DLG2: variants seen among roughly 807,000 people sequenced by gnomAD.
The protein encoded by DLG2 is disks large homolog 2.
A neutral mutation model predicts 132.5 loss-of-function variants in DLG2; 45 were observed. That is an observed-to-expected ratio of 0.34 (90% CI 0.27 to 0.44). The LOEUF (loss-of-function observed/expected upper bound fraction) is 0.44. Ranked by LOEUF, DLG2 falls within the 20% of genes least tolerant of loss-of-function variation. The pLI is 1.00. For synonymous variants in DLG2, 424 were observed against 419.6 expected, an observed-to-expected ratio of 1.01 and a Z score of -0.13; for missense variants, 1,045 against 1,196.9, an observed-to-expected ratio of 0.87 and a Z score of 1.87.
intron 6 of DLG2, among the ~76,000 whole-genome samples, chr11:84,984,692 T>C (rs991962356): frequency 1.3e-5 from 2 of 152,056 alleles, no homozygotes; most frequent in African/African-American, 2.4e-5. Flanking sequence ...ACTTAAAAGA[T>C]ACAGAATTGC....
At chr11:84,295,750 T>C (rs2154378509) in intron 7 of DLG2, among the ~76,000 whole-genome samples, 1 of 152,300 alleles carries the variant, frequency 6.6e-6, no homozygotes, top group East Asian at 1.9e-4. Context: ...AATTGTGAAA[T>C]TCAAACATGA....
intron 18 of DLG2, among the ~76,000 whole-genome samples, chr11:83,753,678 T>C (rs750948639): frequency 1.2e-3 from 170 of 139,166 alleles, no homozygotes; most frequent in Non-Finnish European, 1.9e-3. Context: ...TAAATTGATA[T>C]ATATATCAAT....
chr11:84,569,955 C>T (rs2154527571), intron 6 of DLG2, among the ~76,000 whole-genome samples: 1 of 152,234 alleles, frequency 6.6e-6, no homozygotes, highest in South Asian at 2.1e-4. Flanking sequence ...ATGCCTAATT[C>T]TAACTAATTA....
At chr11:83,637,660 C>T (rs1044788461) in intron 18 of DLG2, among the ~76,000 whole-genome samples, 21 of 152,148 alleles carry the variant, frequency 1.4e-4, no homozygotes, top group African/African-American at 5.1e-4. Context: ...GAATATAAGG[C>T]TTGTTTAGAA....
At chr11:84,464,210 G>A (rs916636437) in intron 7 of DLG2, among the ~76,000 whole-genome samples, 6 of 151,100 alleles carry the variant, frequency 4.0e-5, no homozygotes, top group African/African-American at 1.5e-4. Context: ...CTAGTCTCAA[G>A]TTTTGCATAT....
At chr11:83,986,306 G>A (rs936405566) in intron 11 of DLG2, among the ~76,000 whole-genome samples, 30 of 151,128 alleles carry the variant, frequency 2.0e-4, no homozygotes, top group Admixed American at 1.3e-3. Flanking sequence ...GAGAATATGC[G>A]GCATTTGGTT....
intron 3 of DLG2, among the ~76,000 whole-genome samples, chr11:85,385,972 T>C (rs1296660132): frequency 6.6e-6 from 1 of 152,216 alleles, no homozygotes; most frequent in African/African-American, 2.4e-5. Context: ...TTCCCTGAGA[T>C]GTCAGAGTTC....
chr11:83,669,485 A>G (rs754532536), intron 18 of DLG2, among the ~76,000 whole-genome samples: 13 of 152,230 alleles, frequency 8.5e-5, no homozygotes, highest in Non-Finnish European at 1.2e-4. Flanking sequence ...TATGCAATAC[A>G]CAATTAAGGC....
At chr11:84,943,171 T>C (rs865885088) in intron 6 of DLG2, among the ~76,000 whole-genome samples, 77 of 127,120 alleles carry the variant, frequency 6.1e-4, no homozygotes, top group Non-Finnish European at 7.9e-4. Context: ...TGTGTGCGTG[T>C]GTGTGTGTGT....
intron 3 of DLG2, among the ~76,000 whole-genome samples, chr11:85,306,441 C>T (rs1018997247): frequency 1.3e-5 from 2 of 152,238 alleles, no homozygotes; most frequent in African/African-American, 4.8e-5. Flanking sequence ...TAAACCTAGT[C>T]TCAGGCTCTT....
At chr11:85,530,580 C>T (rs1335594171) in intron 3 of DLG2, among the ~76,000 whole-genome samples, 3 of 152,122 alleles carry the variant, frequency 2.0e-5, no homozygotes, top group African/African-American at 7.2e-5. Context: ...CTCGGCCTCC[C>T]AAAGTCCTGG....
chr11:85,176,555 A>G (rs1489750095), intron 4 of DLG2, among the ~76,000 whole-genome samples: 1 of 152,220 alleles, frequency 6.6e-6, no homozygotes, highest in African/African-American at 2.4e-5. Flanking sequence ...AGGCACTGGC[A>G]AAGATTTCAT....
chr11:84,414,684 G>C (rs2098922835), intron 7 of DLG2, among the ~76,000 whole-genome samples: 1 of 152,094 alleles, frequency 6.6e-6, no homozygotes, highest in African/African-American at 2.4e-5. Flanking sequence ...AAATAAAACA[G>C]ATATAAAAGC....
At chr11:84,051,452 T>C (rs1464736395) in intron 11 of DLG2, among the ~76,000 whole-genome samples, 1 of 151,752 alleles carries the variant, frequency 6.6e-6, no homozygotes, top group African/African-American at 2.4e-5. Flanking sequence ...CCATCAAAAA[T>C]GATGAGTTCA....
intron 7 of DLG2, chr11:84,273,306 G>GAAAAAAA (rs752762450): frequency 7.6e-6 from 6 of 791,302 alleles, no homozygotes; most frequent in South Asian, 5.1e-5. Context: ...AGTTGAAGAG[G>GAAAAAAA]AAAAAAAAAA....
intron 21 of DLG2, among the ~76,000 whole-genome samples, chr11:83,501,373 A>G (rs2094446863): frequency 6.6e-6 from 1 of 152,082 alleles, no homozygotes; most frequent in South Asian, 2.1e-4. Context: ...CGACTAACTG[A>G]TCAGTGTTGG....
At chr11:84,354,942 C>T (rs1056782933) in intron 7 of DLG2, among the ~76,000 whole-genome samples, 9 of 152,120 alleles carry the variant, frequency 5.9e-5, no homozygotes, top group African/African-American at 2.2e-4. Flanking sequence ...AAGGACATTA[C>T]CTTCTTTGCC....
chr11:83,530,489 G>A (rs1371575543), intron 21 of DLG2, among the ~76,000 whole-genome samples: 1 of 151,640 alleles, frequency 6.6e-6, no homozygotes, highest in African/African-American at 2.4e-5. Context: ...AGCTACAATT[G>A]CTAGGATAGA....
intron 7 of DLG2, among the ~76,000 whole-genome samples, chr11:84,410,275 T>A (rs1207056942): frequency 6.6e-6 from 1 of 152,140 alleles, no homozygotes; most frequent in Non-Finnish European, 1.5e-5. Context: ...TGGTTAGGCA[T>A]GATAGATCAA....
Sources: allele counts gnomAD v4.1 joint callset (sites outside exome capture counted in the v4.1 genomes callset), GRCh38; gene constraint gnomAD v4.1.1; transcripts MANE v1.5; gene names NCBI Gene and HGNC (gene_info 2026-07-23, HGNC 2026-07-21).